COPG2: variants seen among roughly 807,000 people sequenced by gnomAD.
COPG2 encodes coat protein complex I subunit gamma 2, also known as coatomer subunit gamma-2.
In COPG2, 37 loss-of-function variants were observed where a neutral mutation model predicts 46.3. That is an observed-to-expected ratio of 0.80 (90% CI 0.61 to 1.05). COPG2 has a LOEUF of 1.05. Among genes scored for constraint, COPG2 ranks in the 50% least tolerant of loss-of-function variants. The probability of loss-of-function intolerance (pLI) is 0.00; values close to 1 mark genes in which losing one functional copy is unlikely to be tolerated. For synonymous variants in COPG2, 159 were observed against 129.7 expected (o/e 1.23, Z -1.53); for missense variants, 427 against 387.8 (o/e 1.10, Z -0.85).
intron 4 of COPG2, among the ~76,000 whole-genome samples, chr7:130,658,523 A>G (rs1407527996): frequency 3.3e-5 from 5 of 152,140 alleles, no homozygotes; most frequent in Non-Finnish European, 5.9e-5. Flanking sequence ...AAAAGGATGA[A>G]TTTTACCGCA....
intron 12 of COPG2, among the ~76,000 whole-genome samples, chr7:130,557,913 A>G (rs1388728847): frequency 1.3e-5 from 2 of 151,372 alleles, no homozygotes; most frequent in African/African-American, 2.4e-5. Context: ...CAAAGCTTCT[A>G]TATTTAGAAC....
Position 130,610,364 on chromosome 7 carries a change from C to G in COPG2, c.737+589G>C, listed in dbSNP as rs1373482405. ...GTAGTGGCAGATTCTAGAGATCTTTCTCTGTGTTACACCTCAGTTTGCCAG... is the reference window on the plus strand; with the variant it reads ...GTAGTGGCAGATTCTAGAGATCTTTGTCTGTGTTACACCTCAGTTTGCCAG... On this transcript the variant is annotated intron_variant, in intron 9 of 23. Coordinates refer to ENST00000425248, the MANE Select transcript of COPG2 (RefSeq NM_012133.6). 2.7e-5 allele frequency: 9 copies of G among 336,974 alleles called. No individual in the cohort carries two copies. In the East Asian group the frequency reaches 7.1e-4, roughly 26 times the overall value. 20.9% of individuals were successfully genotyped at this position (336,974 alleles called of 1,614,324 possible). A position where few individuals can be genotyped will look rare whatever the true frequency, so the allele number is the denominator to read the frequency against.
chr7:130,594,728 T>C (rs188332971), intron 9 of COPG2, among the ~76,000 whole-genome samples: 1 of 152,320 alleles, frequency 6.6e-6, no homozygotes, highest in East Asian at 1.9e-4. Context: ...AAAGAAGATA[T>C]GGAGATTGGC....
At position 130,513,327 on chromosome 7, in the gene COPG2, A is replaced by G. The variant is rs1440433917; in HGVS notation, c.2150-4668T>C. Among the ~76,000 whole-genome samples the G allele has an allele frequency of 6.7e-3, 407 of 61,048 alleles. 7 individuals are homozygous for G. The highest frequency in any genetic ancestry group is 0.021 in the African/African-American group (389 of 18,376). 40.0% of individuals were successfully genotyped at this position (61,048 alleles called of 152,430 possible). Reference sequence around the variant, plus strand: ...AAAAAAAATATATATATATATATATATATATATATATATATGTGTGTGTGT... The same window carrying G: ...AAAAAAAATATATATATATATATATGTATATATATATATATGTGTGTGTGT... On this transcript the variant is annotated intron_variant, in intron 20 of 23. Transcript: ENST00000425248.
rs180944080 is a variant in COPG2 at position 130,645,006 on chromosome 7, G to A, written c.323+7863C>T. Among the ~76,000 whole-genome samples the A allele has an allele frequency of 6.4e-4, 96 of 150,148 alleles. 1 individual carries two copies. The highest frequency in any genetic ancestry group is 2.1e-3 in the African/African-American group (87 of 40,784). ...GAACCCAGGAGGCAGAGATTGCAGCGAGATGAGATCACACCATTGCACTCC... is the reference window on the plus strand; with the variant it reads ...GAACCCAGGAGGCAGAGATTGCAGCAAGATGAGATCACACCATTGCACTCC... On this transcript the variant is annotated intron_variant, in intron 5 of 23. Coordinates refer to ENST00000425248, the MANE Select transcript of COPG2 (RefSeq NM_012133.6).
intron 4 of COPG2, among the ~76,000 whole-genome samples, chr7:130,661,408 C>T (rs1554460743): frequency 1.3e-5 from 2 of 152,216 alleles, no homozygotes; most frequent in Non-Finnish European, 2.9e-5. Flanking sequence ...CTGAACCCTA[C>T]TCCAGCAGCT....
intron 5 of COPG2, among the ~76,000 whole-genome samples, chr7:130,643,482 T>C (rs1795531386): frequency 6.6e-6 from 1 of 151,926 alleles, no homozygotes; most frequent in Non-Finnish European, 1.5e-5. Flanking sequence ...GAGCCAGGAG[T>C]AGATAACTTT....
intron 9 of COPG2, chr7:130,609,985 AGTT>A (rs1794813190): frequency 8.4e-6 from 4 of 475,012 alleles, no homozygotes; most frequent in Admixed American, 7.3e-5. Context: ...ACTTTAGAGA[AGTT>A]GTTTAAAAGT....
chr7:130,535,990 G>C, intron 20 of COPG2, among the ~76,000 whole-genome samples: 1 of 152,086 alleles, frequency 6.6e-6, no homozygotes, highest in South Asian at 2.1e-4. Context: ...TCAGTGATAT[G>C]AAAAGAGGAG....
At chr7:130,517,894 C>A (rs1202815735) in intron 20 of COPG2, among the ~76,000 whole-genome samples, 3 of 151,262 alleles carry the variant, frequency 2.0e-5, no homozygotes, top group Non-Finnish European at 2.9e-5. Context: ...TCTGTCAAAT[C>A]TCAGAAGGAG....
chr7:130,506,843 C>G (rs782097938), intron 23 of COPG2, 37 bp from the exon 24 acceptor site: 10 of 754,024 alleles, frequency 1.3e-5, no homozygotes, highest in Admixed American at 7.3e-5. Context: ...TATTAAGAAC[C>G]CAAAACAAGC....
chr7:130,665,909 C>G (rs1246985975), intron 3 of COPG2, among the ~76,000 whole-genome samples: 2 of 151,764 alleles, frequency 1.3e-5, no homozygotes, highest in African/African-American at 4.8e-5. Flanking sequence ...TTCATGAGCG[C>G]AAATATTTTT....
intron 21 of COPG2, 123 bp downstream of exon 21, chr7:130,508,438 GT>G: frequency 1.6e-6 from 1 of 623,740 alleles, no homozygotes; most frequent in Non-Finnish European, 2.9e-6. Context: ...TTTGTCATCT[GT>G]TTCAGAAGAA....
chr7:130,611,660 C>G (rs1289015029), intron 8 of COPG2, among the ~76,000 whole-genome samples: 2 of 152,128 alleles, frequency 1.3e-5, no homozygotes, highest in African/African-American at 4.8e-5. Flanking sequence ...CATAAACGCC[C>G]TCTCAAATAA....
At chr7:130,513,346 T>G (rs1356220445) in intron 20 of COPG2, among the ~76,000 whole-genome samples, 1 of 67,190 alleles carries the variant, frequency 1.5e-5, no homozygotes. Flanking sequence ...TATATATGTG[T>G]GTGTGTGTGT....
intron 9 of COPG2, among the ~76,000 whole-genome samples, chr7:130,589,034 GT>G (rs1371028301): frequency 8.7e-5 from 13 of 148,738 alleles, no homozygotes; most frequent in Non-Finnish European, 1.2e-4. Context: ...ACTTCACACA[GT>G]TTTTTTTTTC....
chr7:130,658,352 AG>A (rs371458805), intron 4 of COPG2, among the ~76,000 whole-genome samples: 45 of 152,320 alleles, frequency 3.0e-4, no homozygotes, highest in African/African-American at 9.1e-4. Context: ...TTATAAGGAC[AG>A]AAAGGAGATA....
intron 20 of COPG2, among the ~76,000 whole-genome samples, chr7:130,522,504 T>A (rs1255379039): frequency 6.6e-6 from 1 of 151,636 alleles, no homozygotes; most frequent in Admixed American, 6.6e-5. Context: ...GGGTTTAGAG[T>A]ATAGGTCGCT....
intron 3 of COPG2, among the ~76,000 whole-genome samples, chr7:130,663,655 A>G: frequency 6.6e-6 from 1 of 150,918 alleles, no homozygotes; most frequent in East Asian, 1.9e-4. Flanking sequence ...ATGACAATTC[A>G]TCCTGGGATC....
Sources: gnomAD v4.1 joint callset for allele counts (sites outside exome capture counted in the v4.1 genomes callset) on GRCh38, gnomAD v4.1.1 for gene constraint, MANE v1.5 for transcripts, NCBI Gene and HGNC (gene_info 2026-07-23, HGNC 2026-07-21) for gene names.